The following LRRC4C variants were observed in gnomAD, a reference collection of about 807,000 sequenced individuals.
LRRC4C encodes the protein leucine rich repeat containing 4C, also known as leucine-rich repeat-containing protein 4C.
LRRC4C carries 5 observed loss-of-function variants against 33.6 expected under a neutral mutation model. The observed-to-expected ratio is 0.15, with a 90% confidence interval of 0.08 to 0.31. The LOEUF (loss-of-function observed/expected upper bound fraction) is 0.31. Ranked by LOEUF, LRRC4C falls within the 10% of genes least tolerant of loss-of-function variation. LRRC4C has a pLI of 1.00. For missense variants in LRRC4C, 560 were observed against 796.7 expected, an observed-to-expected ratio of 0.70 and a Z score of 3.58; for synonymous variants, 329 against 302.0, an observed-to-expected ratio of 1.09 and a Z score of -0.93.
chr11:40,866,883 C>T (rs1209670184), intron 2 of LRRC4C, among the ~76,000 whole-genome samples: 2 of 152,066 alleles, frequency 1.3e-5, no homozygotes, highest in Non-Finnish European at 2.9e-5. Flanking sequence ...GACCATTTTG[C>T]ATTTTTAGTA....
intron 3 of LRRC4C, among the ~76,000 whole-genome samples, chr11:40,378,242 G>A (rs958409497): frequency 1.3e-5 from 2 of 151,866 alleles, no homozygotes; most frequent in African/African-American, 2.4e-5. Context: ...ATCTTCTTTT[G>A]GTGTTTAATG....
chr11:41,146,191 A>T, intron 1 of LRRC4C, among the ~76,000 whole-genome samples: 1 of 152,214 alleles, frequency 6.6e-6, no homozygotes, highest in East Asian at 1.9e-4. Context: ...TCATTAAATG[A>T]ATGAATGAAG....
intron 1 of LRRC4C, among the ~76,000 whole-genome samples, chr11:41,058,123 T>C (rs558872064): frequency 1.2e-4 from 19 of 152,314 alleles, no homozygotes; most frequent in African/African-American, 4.6e-4. Flanking sequence ...TGGCTTGCCA[T>C]GCTGTGAGCA....
chr11:40,661,675 A>T (rs1336057085), intron 2 of LRRC4C, among the ~76,000 whole-genome samples: 1 of 152,228 alleles, frequency 6.6e-6, no homozygotes, highest in African/African-American at 2.4e-5. Context: ...GAAAGTAGTA[A>T]GCATTACCTC....
intron 5 of LRRC4C, among the ~76,000 whole-genome samples, chr11:40,186,880 C>T (rs1861444483): frequency 6.6e-6 from 1 of 152,180 alleles, no homozygotes; most frequent in Admixed American, 6.5e-5. Context: ...TGCACCCTAC[C>T]ACTTGATCTC....
Position 40,125,243 on chromosome 11 carries a change from G to C in LRRC4C, c.-42-8909C>G, listed in dbSNP as rs904710232. On this transcript the variant is annotated intron_variant, in intron 6 of 6. Coordinates refer to ENST00000528697, the MANE Select transcript of LRRC4C (RefSeq NM_001258419.2). ...TCCCACTAATAAGAAGAAAAACATGGGGAAGAAATAATTCTTTGTTCTGTT... is the reference window on the plus strand; with the variant it reads ...TCCCACTAATAAGAAGAAAAACATGCGGAAGAAATAATTCTTTGTTCTGTT... Among the ~76,000 whole-genome samples, 8 of 152,058 alleles carry C rather than the reference G, an allele frequency of 5.3e-5. No homozygotes were observed. The East Asian group carries it at 5.8e-4, about 11-fold the overall frequency.
chr11:40,761,986 A>T lies in LRRC4C; in HGVS notation c.-406-113708T>A, dbSNP rs555682204. On this transcript the variant is annotated intron_variant, in intron 2 of 6. Transcript: ENST00000528697. ...CATTCCATTTTTCTGTAGGTTACCAATAAGGTACTCAAAAATACACAGTGA... is the reference window on the plus strand; with the variant it reads ...CATTCCATTTTTCTGTAGGTTACCATTAAGGTACTCAAAAATACACAGTGA... Among the ~76,000 whole-genome samples, 16 of 152,272 alleles carry T rather than the reference A, an allele frequency of 1.1e-4. No homozygotes were observed. In the South Asian group the frequency reaches 3.1e-3, roughly 30 times the overall value.
intron 1 of LRRC4C, among the ~76,000 whole-genome samples, chr11:41,439,422 C>T (rs1348456847): frequency 5.9e-5 from 9 of 152,092 alleles, no homozygotes; most frequent in Non-Finnish European, 1.0e-4. Flanking sequence ...AATGGTAGTT[C>T]TATTTTTAGC....
chr11:40,496,721 A>T (rs1317084918), intron 3 of LRRC4C, among the ~76,000 whole-genome samples: 2 of 152,128 alleles, frequency 1.3e-5, no homozygotes, highest in South Asian at 2.1e-4. Flanking sequence ...AGATAGAAAC[A>T]TATGGGGAGT....
At chr11:40,423,689 C>G (rs1348043765) in intron 3 of LRRC4C, among the ~76,000 whole-genome samples, 1 of 152,168 alleles carries the variant, frequency 6.6e-6, no homozygotes, top group East Asian at 1.9e-4. Flanking sequence ...CATGTCCTCA[C>G]ATAGGTTTTC....
chr11:40,544,772 A>T (rs924740528), intron 3 of LRRC4C, among the ~76,000 whole-genome samples: 1 of 152,074 alleles, frequency 6.6e-6, no homozygotes, highest in African/African-American at 2.4e-5. Context: ...GCACATATGT[A>T]TGTCTTAAAT....
At chr11:41,316,808 CTT>C (rs1202798901) in intron 1 of LRRC4C, among the ~76,000 whole-genome samples, 1 of 152,222 alleles carries the variant, frequency 6.6e-6, no homozygotes, top group Non-Finnish European at 1.5e-5. Flanking sequence ...CCACCACTCT[CTT>C]TTTCCCCGCA....
chr11:41,313,658 A>G (rs1440184152), intron 1 of LRRC4C, among the ~76,000 whole-genome samples: 1 of 152,238 alleles, frequency 6.6e-6, no homozygotes, highest in South Asian at 2.1e-4. Flanking sequence ...ACCTATTAAT[A>G]TTACCATTAA....
chr11:40,566,818 T>A (rs1398485426), intron 3 of LRRC4C, among the ~76,000 whole-genome samples: 1 of 152,068 alleles, frequency 6.6e-6, no homozygotes, highest in East Asian at 1.9e-4. Context: ...GGATACCACC[T>A]GAAAAGGAAC....
intron 5 of LRRC4C, among the ~76,000 whole-genome samples, chr11:40,231,985 A>G (rs1445310557): frequency 6.6e-6 from 1 of 152,148 alleles, no homozygotes; most frequent in East Asian, 1.9e-4. Flanking sequence ...TGGAAACAGA[A>G]GAGTCAACTT....
At chr11:40,900,095 T>C (rs1257823846) in intron 2 of LRRC4C, among the ~76,000 whole-genome samples, 1 of 152,174 alleles carries the variant, frequency 6.6e-6, no homozygotes, top group Non-Finnish European at 1.5e-5. Flanking sequence ...TTATATGAAG[T>C]ACCAGTTGGC....
intron 1 of LRRC4C, among the ~76,000 whole-genome samples, chr11:41,313,557 G>C (rs1212469008): frequency 6.6e-6 from 1 of 152,150 alleles, no homozygotes; most frequent in Admixed American, 6.5e-5. Flanking sequence ...TGTTTTGTCT[G>C]CCACTCTTGA....
chr11:41,392,621 C>A (rs917924192), intron 1 of LRRC4C, among the ~76,000 whole-genome samples: 3 of 151,102 alleles, frequency 2.0e-5, no homozygotes, highest in African/African-American at 4.9e-5. Flanking sequence ...GGAATAATAT[C>A]TTTGTAGATG....
chr11:41,231,546 C>T (rs961187263), intron 1 of LRRC4C, among the ~76,000 whole-genome samples: 6 of 140,726 alleles, frequency 4.3e-5, no homozygotes, highest in Non-Finnish European at 4.5e-5. Flanking sequence ...TGTTCTCACT[C>T]ATAGGTGGGA....
Sources: allele counts gnomAD v4.1 joint callset (sites outside exome capture counted in the v4.1 genomes callset), GRCh38; gene constraint gnomAD v4.1.1; transcripts MANE v1.5; gene names NCBI Gene and HGNC (gene_info 2026-07-23, HGNC 2026-07-21).